Variants in SUPT20H observed in about 807,000 individuals in gnomAD.
The protein encoded by SUPT20H is SPT20 homolog, SAGA complex component.
Under a neutral mutation model 122.8 loss-of-function variants are expected in SUPT20H, and 82 were observed. The observed-to-expected ratio is 0.67, with a 90% CI of 0.56 to 0.80. SUPT20H has a LOEUF of 0.80. SUPT20H is among the 30% of genes least tolerant of loss of function. The pLI is 0.00. For missense variants in SUPT20H, 831 were observed against 921.6 expected, an observed-to-expected ratio of 0.90 and a Z score of 1.27; for synonymous variants, 291 against 313.0, an observed-to-expected ratio of 0.93 and a Z score of 0.74.
intron 2 of SUPT20H, 121 bp from the exon 3 acceptor site, chr13:37,048,720 C>A: frequency 1.4e-6 from 1 of 705,160 alleles, no homozygotes; most frequent in Non-Finnish European, 2.2e-6. Flanking sequence ...TATTTGTCTC[C>A]TCCACTCCAC....
In SUPT20H at chr13:37,019,398, C is replaced by T; in HGVS notation, c.1817-1G>A. ...GTATTTTTTAAACCAAATGGAACAC[C>T]TGTTAAATAAAACTCATGGTTATAA... On this transcript the variant is annotated splice_acceptor_variant, in intron 21 of 25. Transcript: ENST00000350612. LOFTEE classifies it high-confidence loss of function. The T allele has an allele frequency of 6.3e-7, 1 of 1,598,618 alleles. No homozygotes were observed. The highest frequency in any genetic ancestry group is 8.5e-7 in the Non-Finnish European group (1 of 1,173,040).
chr13:37,029,650 T>C (rs2062950116), intron 13 of SUPT20H, 115 bp downstream of exon 13: 3 of 816,784 alleles, frequency 3.7e-6, no homozygotes, highest in Non-Finnish European at 5.7e-6. Context: ...CAGAAACTAA[T>C]TTAAAAAAGA....
chr13:37,058,971 T>A (rs1279732859), intron 1 of SUPT20H, among the ~76,000 whole-genome samples: 1 of 152,186 alleles, frequency 6.6e-6, no homozygotes, highest in Non-Finnish European at 1.5e-5. Context: ...TTTGATGAAT[T>A]GCACTCAAGA....
intron 5 of SUPT20H, among the ~76,000 whole-genome samples, chr13:37,046,360 C>T (rs1032571095): frequency 2.0e-5 from 3 of 152,074 alleles, no homozygotes; most frequent in Non-Finnish European, 4.4e-5. Flanking sequence ...GTATGTGTAC[C>T]TCTTCAACAA....
At chr13:37,045,450 C>A in intron 5 of SUPT20H, 77 bp from the exon 6 acceptor site, 3 of 1,551,880 alleles carry the variant, frequency 1.9e-6, no homozygotes, top group Admixed American at 3.8e-5. Flanking sequence ...TTAACAAAAT[C>A]AGGCTTGAAT....
intron 3 of SUPT20H, 113 bp from the exon 4 acceptor site, chr13:37,048,049 C>A: frequency 1.6e-6 from 1 of 633,646 alleles, no homozygotes; most frequent in East Asian, 3.1e-5. Flanking sequence ...ACTTAACTCT[C>A]TGAATTACAT....
intron 9 of SUPT20H, among the ~76,000 whole-genome samples, chr13:37,036,886 C>T (rs769696505): frequency 1.3e-5 from 2 of 152,064 alleles, no homozygotes; most frequent in Non-Finnish European, 2.9e-5. Flanking sequence ...GAGCACAATA[C>T]ACATAACATA....
intron 9 of SUPT20H, chr13:37,039,981 G>A (rs901328266): frequency 6.5e-6 from 1 of 153,336 alleles, no homozygotes; most frequent in Admixed American, 6.5e-5. Flanking sequence ...GGGTTAACTG[G>A]TTATTCTCAG....
chr13:37,010,273 C>G (rs552955989), intron 25 of SUPT20H, among the ~76,000 whole-genome samples: 2 of 152,130 alleles, frequency 1.3e-5, no homozygotes, highest in African/African-American at 2.4e-5. Flanking sequence ...TTGGCACTTA[C>G]AACTGTCTTT....
intron 16 of SUPT20H, chr13:37,025,952 T>C (rs927677000): frequency 5.7e-6 from 2 of 348,748 alleles, no homozygotes; most frequent in African/African-American, 4.2e-5. Context: ...CCATTCTTAG[T>C]AGTTTGGTGT....
In SUPT20H at chr13:37,020,139, T is replaced by C. The variant is rs2139427225; in HGVS notation, c.1817-742A>G. Among the ~76,000 whole-genome samples the C allele has an allele frequency of 1.3e-5, 2 of 152,298 alleles. 1 individual carries two copies. Among genetic ancestry groups the C allele is most frequent in the South Asian group, 4.1e-4 (2 of 4,826 alleles). On this transcript the variant is annotated intron_variant, in intron 21 of 25. Coordinates refer to ENST00000350612, the MANE Select transcript of SUPT20H (RefSeq NM_001014286.3). ...TGATCCTGGTCTCAAGGTATGTATA[T>C]ATTTTGCTAACAAAATATACTAATT...
At chr13:37,039,345 G>A (rs2138536528) in intron 9 of SUPT20H, 1 of 152,286 alleles carries the variant, frequency 6.6e-6, no homozygotes, top group Admixed American at 6.5e-5. Context: ...CCTGAAGATA[G>A]TAAAGCACAA....
At chr13:37,024,223 T>C in intron 18 of SUPT20H, 30 bp from the exon 19 acceptor site, 1 of 1,584,922 alleles carries the variant, frequency 6.3e-7, no homozygotes. Context: ...ATTTCCTAAA[T>C]TTATAATTCA....
Position 37,047,923 on chromosome 13 carries a change from C to T in SUPT20H, c.53G>A (p.Ser18Asn). The change falls in exon 4 of 26, where the codon AGT becomes AAT. Residue 18 changes from serine to asparagine, a missense_variant. Ser to Asn is a conservative substitution (Grantham distance 46, BLOSUM62 1). Coordinates refer to ENST00000350612, the MANE Select transcript of SUPT20H (RefSeq NM_001014286.3). ...CCTTTTAGGAGGTCTCTGTCGGGCA[C>T]TTTCAATGACATACTAAAAAACAAA... ...ALDRAEYVIE[S>N]ARQRPPKRKY... 6.2e-7 allele frequency: 1 copy of T among 1,602,598 alleles called. No individual in the cohort carries two copies. Among genetic ancestry groups the T allele is most frequent in the South Asian group, 1.1e-5 (1 of 88,902 alleles).
intron 1 of SUPT20H, among the ~76,000 whole-genome samples, chr13:37,054,903 G>A (rs1481062652): frequency 2.0e-5 from 3 of 152,130 alleles, no homozygotes; most frequent in South Asian, 2.1e-4. Context: ...TAAGCTGATA[G>A]GCAACTTCAG....
chr13:37,028,240 G>C lies in SUPT20H; in HGVS notation c.1059C>G (p.Thr353=). 2 of 1,613,174 alleles carry C rather than the reference G, an allele frequency of 1.2e-6. No homozygotes were observed. The highest frequency in any genetic ancestry group is 2.2e-5 in the South Asian group (2 of 90,988). The change falls in exon 14 of 26, where the codon ACC becomes ACG. Residue 353 remains threonine, a synonymous_variant. Coordinates refer to ENST00000350612, the MANE Select transcript of SUPT20H (RefSeq NM_001014286.3). The part of the protein sequence containing the change: ...AGTQYQKTKL[T]ILQSLGDPLY... ...GTGGATCTCCAAGCGACTGCAAGAT[G>C]GTCAGCTTTGTTTTCTGATACTGAG... is the stretch of plus-strand genomic sequence containing the variant.
chr13:37,053,596 C>T lies in SUPT20H; in HGVS notation c.-93-2013G>A, dbSNP rs137855427. Among the ~76,000 whole-genome samples the T allele has an allele frequency of 9.4e-3, 1,422 of 151,624 alleles. 18 individuals are homozygous for T. The highest frequency in any genetic ancestry group is 0.032 in the African/African-American group (1,324 of 41,284). ...CATGCGGGGCTTAAAACCTAGATGA[C>T]GGGTTGATAGGTACAGCAAACCACC... is the stretch of plus-strand genomic sequence containing the variant. On this transcript the variant is annotated intron_variant, in intron 1 of 25. Coordinates refer to ENST00000350612, the MANE Select transcript of SUPT20H (RefSeq NM_001014286.3).
chr13:37,033,703 A>C, intron 9 of SUPT20H, 115 bp from the exon 10 acceptor site: 3 of 1,147,330 alleles, frequency 2.6e-6, no homozygotes, highest in Non-Finnish European at 3.5e-6. Flanking sequence ...CTACAGTAAA[A>C]TATGGTATTT....
At chr13:37,039,806 T>C (rs762270318) in intron 9 of SUPT20H, 2 of 152,206 alleles carry the variant, frequency 1.3e-5, no homozygotes, top group Non-Finnish European at 1.5e-5. Context: ...CCCTCAGTTC[T>C]TCAGGGGTGG....
Sources: gnomAD v4.1 joint callset for allele counts (sites outside exome capture counted in the v4.1 genomes callset) on GRCh38, gnomAD v4.1.1 for gene constraint, MANE v1.5 for transcripts, NCBI Gene and HGNC (gene_info 2026-07-23, HGNC 2026-07-21) for gene names.